Variants in MEIKIN observed in about 807,000 individuals in gnomAD.
MEIKIN encodes the protein meiotic kinetochore factor, also known as meiosis-specific kinetochore protein.
chr5:131,827,091 C>T (rs1749628781), intron 11 of MEIKIN, among the ~76,000 whole-genome samples: 1 of 152,068 alleles, frequency 6.6e-6, no homozygotes, highest in Non-Finnish European at 1.5e-5. Context: ...GTCAAGTGAT[C>T]CTCCCATCTC....
chr5:131,808,654 C>T (rs572644447), intron 12 of MEIKIN, among the ~76,000 whole-genome samples: 6 of 152,184 alleles, frequency 3.9e-5, no homozygotes, highest in Non-Finnish European at 7.3e-5. Context: ...GATACACTAG[C>T]TCAGATACTT....
At chr5:131,867,969 A>G (rs1239053377) in intron 9 of MEIKIN, among the ~76,000 whole-genome samples, 11 of 152,230 alleles carry the variant, frequency 7.2e-5, no homozygotes. Context: ...TGACTGTATC[A>G]TTTTGCATTC....
At chr5:131,892,053 T>C (rs1424868734) in intron 8 of MEIKIN, among the ~76,000 whole-genome samples, 1 of 152,150 alleles carries the variant, frequency 6.6e-6, no homozygotes, top group Non-Finnish European at 1.5e-5. Flanking sequence ...CCCCACTCTC[T>C]TCTGGCTTGT....
chr5:131,838,503 G>A (rs772159588), intron 11 of MEIKIN, among the ~76,000 whole-genome samples: 1 of 151,806 alleles, frequency 6.6e-6, no homozygotes, highest in Non-Finnish European at 1.5e-5. Flanking sequence ...CTGGTTGGTA[G>A]GCTTATTACT....
At chr5:131,915,513 T>G (rs900638534) in intron 7 of MEIKIN, among the ~76,000 whole-genome samples, 2 of 152,184 alleles carry the variant, frequency 1.3e-5, no homozygotes, top group Non-Finnish European at 2.9e-5. Context: ...GGGTGACTAT[T>G]TGTCCAAACT....
intron 9 of MEIKIN, among the ~76,000 whole-genome samples, chr5:131,875,483 T>G (rs11242099): frequency 0.64 from 96,079 of 150,760 alleles, 32,564 homozygotes; most frequent in Non-Finnish European, 0.77. Context: ...CACTGCTCAA[T>G]GAAATAAAAG....
intron 8 of MEIKIN, among the ~76,000 whole-genome samples, chr5:131,904,490 G>GA (rs1751211431): frequency 6.6e-6 from 1 of 152,124 alleles, no homozygotes; most frequent in Non-Finnish European, 1.5e-5. Flanking sequence ...AATAAAAATA[G>GA]AAATAACTGC....
At chr5:131,906,182 A>G (rs1751239551) in intron 8 of MEIKIN, among the ~76,000 whole-genome samples, 1 of 152,214 alleles carries the variant, frequency 6.6e-6, no homozygotes, top group Admixed American at 6.5e-5. Flanking sequence ...ATAAGCAAAG[A>G]ACCATTCCAT....
chr5:131,808,854 T>C (rs1772896228), intron 12 of MEIKIN, among the ~76,000 whole-genome samples: 1 of 152,142 alleles, frequency 6.6e-6, no homozygotes, highest in Non-Finnish European at 1.5e-5. Flanking sequence ...GGTGAGCAGA[T>C]TGCTTGAGCC....
At chr5:131,842,377 G>C (rs1484006914) in intron 11 of MEIKIN, among the ~76,000 whole-genome samples, 1 of 152,152 alleles carries the variant, frequency 6.6e-6, no homozygotes, top group Non-Finnish European at 1.5e-5. Context: ...CTCAGGTCTT[G>C]TTGCTCATTT....
chr5:131,840,686 T>G (rs1162094903), intron 11 of MEIKIN, among the ~76,000 whole-genome samples: 1 of 152,256 alleles, frequency 6.6e-6, no homozygotes, highest in Non-Finnish European at 1.5e-5. Context: ...AGTGTGTTTC[T>G]CAGTTCTATC....
chr5:131,890,050 C>G (rs1372356095), intron 8 of MEIKIN, among the ~76,000 whole-genome samples: 1 of 152,130 alleles, frequency 6.6e-6, no homozygotes, highest in Non-Finnish European at 1.5e-5. Flanking sequence ...CCCTGCATCC[C>G]AGGGATGAAG....
chr5:131,869,383 A>G (rs1750445589), intron 9 of MEIKIN, among the ~76,000 whole-genome samples: 1 of 152,168 alleles, frequency 6.6e-6, no homozygotes, highest in Admixed American at 6.5e-5. Context: ...TGATTACTGC[A>G]CCTTTACAGT....
intron 4 of MEIKIN, among the ~76,000 whole-genome samples, chr5:131,937,767 C>T (rs936471720): frequency 1.3e-5 from 2 of 152,054 alleles, no homozygotes; most frequent in African/African-American, 2.4e-5. Flanking sequence ...TATTCTTGAT[C>T]GCTTATTGCA....
rs1158220526 is a variant in MEIKIN at position 131,845,272 on chromosome 5, T to TAAAAAAA, written c.975+5985_975+5991dup. Among the ~76,000 whole-genome samples, 272 of 45,352 alleles carry TAAAAAAA rather than the reference T, an allele frequency of 6.0e-3. 19 individuals are homozygous for TAAAAAAA. The highest frequency in any genetic ancestry group is 0.017 in the African/African-American group (124 of 7,158). 29.8% of individuals were successfully genotyped at this position (45,352 alleles called of 152,430 possible). ...GTGACAGAGCGAGAAGACTTCGTCT[T>TAAAAAAA]AAAAAAAAAAAAAAAAAAAAAAAAA... On this transcript the variant is annotated intron_variant, in intron 11 of 12. Transcript: ENST00000442687.
chr5:131,837,762 G>T (rs1230077823), intron 11 of MEIKIN, among the ~76,000 whole-genome samples: 1 of 152,094 alleles, frequency 6.6e-6, no homozygotes, highest in African/African-American at 2.4e-5. Context: ...TTTGGGCCAA[G>T]AATATGGAGT....
chr5:131,906,974 T>A (rs1751253182), intron 8 of MEIKIN, among the ~76,000 whole-genome samples: 3 of 152,060 alleles, frequency 2.0e-5, no homozygotes, highest in Admixed American at 2.0e-4. Context: ...ACACAATTTA[T>A]CTACATAACA....
intron 5 of MEIKIN, among the ~76,000 whole-genome samples, chr5:131,929,615 C>T (rs774948827): frequency 1.3e-5 from 2 of 152,060 alleles, no homozygotes; most frequent in Non-Finnish European, 2.9e-5. Context: ...GCTTGGTGTA[C>T]AAATGGATTT....
intron 5 of MEIKIN, among the ~76,000 whole-genome samples, chr5:131,927,686 T>C (rs1751610125): frequency 6.6e-6 from 1 of 152,216 alleles, no homozygotes; most frequent in South Asian, 2.1e-4. Context: ...TCCTGGTGAA[T>C]TGACCCTTTT....
Sources: gnomAD v4.1 joint callset for allele counts (sites outside exome capture counted in the v4.1 genomes callset) on GRCh38, gnomAD v4.1.1 for gene constraint, MANE v1.5 for transcripts, NCBI Gene and HGNC (gene_info 2026-07-23, HGNC 2026-07-21) for gene names.